The following DEUP1 variants were observed in gnomAD, a reference collection of about 807,000 sequenced individuals.
The protein encoded by DEUP1 is coiled-coil domain containing 67.
Under a neutral mutation model 87.4 loss-of-function variants are expected in DEUP1, and 82 were observed. That is an observed-to-expected ratio of 0.94 (90% CI 0.78 to 1.13). The LOEUF (loss-of-function observed/expected upper bound fraction) is 1.13. Ranked by LOEUF, DEUP1 falls within the 50% of genes most tolerant of loss-of-function variation. The probability of loss-of-function intolerance (pLI) is 0.00; values close to 1 mark genes in which losing one functional copy is unlikely to be tolerated. For missense variants in DEUP1, 663 were observed against 681.5 expected (o/e 0.97, Z 0.30); for synonymous variants, 214 against 222.7 (o/e 0.96, Z 0.35).
chr11:93,418,053 C>T (rs139797667), intron 13 of DEUP1, among the ~76,000 whole-genome samples: 10,821 of 152,046 alleles, frequency 0.071, 523 homozygotes, highest in Non-Finnish European at 0.089. Flanking sequence ...AAGACTTAAA[C>T]GGTAGACCTA....
chr11:93,368,527 C>T (rs1005358435), intron 5 of DEUP1, among the ~76,000 whole-genome samples: 2 of 152,110 alleles, frequency 1.3e-5, no homozygotes, highest in Admixed American at 6.6e-5. Context: ...CATGTCTTCA[C>T]GTGGCCAACA....
chr11:93,383,355 G>A, intron 7 of DEUP1: 1 of 359,988 alleles, frequency 2.8e-6, no homozygotes, highest in Non-Finnish European at 5.0e-6. Context: ...ACATTAAAGA[G>A]GGCAGTCACA....
At chr11:93,355,149 T>TA (rs1439709556) in intron 2 of DEUP1, among the ~76,000 whole-genome samples, 1 of 152,208 alleles carries the variant, frequency 6.6e-6, no homozygotes, top group Non-Finnish European at 1.5e-5. Flanking sequence ...TAGCCTACTC[T>TA]AAACAATGTT....
chr11:93,350,492 C>A (rs1171549739), intron 2 of DEUP1, among the ~76,000 whole-genome samples: 1 of 152,126 alleles, frequency 6.6e-6, no homozygotes, highest in Admixed American at 6.6e-5. Flanking sequence ...AGAATTCAGA[C>A]CTAGGATGGA....
intron 6 of DEUP1, 75 bp from the exon 7 acceptor site, chr11:93,370,963 C>G: frequency 7.7e-7 from 1 of 1,300,634 alleles, no homozygotes; most frequent in East Asian, 2.4e-5. Context: ...TAATTCTTTT[C>G]TATCATTCTT....
rs756010295 is a variant in DEUP1 at position 93,415,111 on chromosome 11, A to C, written c.1635A>C (p.Pro545=). 9 of 1,599,228 alleles carry C rather than the reference A, an allele frequency of 5.6e-6. No homozygotes were observed. The Admixed American group carries it at 1.0e-4, about 18-fold the overall frequency. The change falls in exon 13 of 14, where the codon CCA becomes CCC. Residue 545 remains proline (P), a synonymous_variant. Transcript: ENST00000298050. ...SPLVSDDDVF[P]LSPPDMSFPA... ...TGGTTAGTGATGATGATGTATTCCC[A>C]CTGGTGAGTTGCTGGTTGTGGGCTT...
At chr11:93,417,684 A>G (rs1375921075) in intron 13 of DEUP1, among the ~76,000 whole-genome samples, 1 of 146,714 alleles carries the variant, frequency 6.8e-6, no homozygotes, top group Non-Finnish European at 1.5e-5. Context: ...AAACTACTTT[A>G]AAGTTCATAT....
At chr11:93,375,637 C>T (rs1027994810) in intron 7 of DEUP1, among the ~76,000 whole-genome samples, 3 of 152,160 alleles carry the variant, frequency 2.0e-5, no homozygotes, top group African/African-American at 7.2e-5. Context: ...TTGAAACCCA[C>T]TTGATCATGG....
At chr11:93,395,051 C>G (rs572480443) in intron 10 of DEUP1, among the ~76,000 whole-genome samples, 1 of 152,118 alleles carries the variant, frequency 6.6e-6, no homozygotes, top group Non-Finnish European at 1.5e-5. Context: ...ACCCCTCCCC[C>G]ACACTTCATG....
At chr11:93,419,845 T>C (rs1947808875) in intron 13 of DEUP1, among the ~76,000 whole-genome samples, 1 of 146,828 alleles carries the variant, frequency 6.8e-6, no homozygotes, top group Non-Finnish European at 1.5e-5. Flanking sequence ...CAAAACACCT[T>C]CAAAAAAATA....
intron 4 of DEUP1, among the ~76,000 whole-genome samples, chr11:93,363,891 A>T (rs766671238): frequency 8.6e-5 from 13 of 152,042 alleles, no homozygotes; most frequent in Admixed American, 8.5e-4. Flanking sequence ...TATGATTAAA[A>T]CAAAATTGAA....
At position 93,371,116 on chromosome 11, in the gene DEUP1, T is replaced by C; in HGVS notation, c.625T>C (p.Leu209=). 6.2e-7 allele frequency: 1 copy of C among 1,613,044 alleles called. No individual in the cohort carries two copies. The highest frequency in any genetic ancestry group is 8.5e-7 in the Non-Finnish European group (1 of 1,179,394). The change falls in exon 7 of 14, where the codon TTG becomes CTG. Residue 209 remains leucine, a synonymous_variant. Transcript: ENST00000298050. ...AGACAGCAGCTCTGAAATTCCTCGT[T>C]TGATATGTGACCCAGATCCCAATTG... The part of the protein sequence containing the change: ...LEDSSSEIPR[L]ICDPDPNCEI...
intron 12 of DEUP1, among the ~76,000 whole-genome samples, chr11:93,412,969 T>C (rs1046899894): frequency 6.6e-6 from 1 of 152,186 alleles, no homozygotes; most frequent in Non-Finnish European, 1.5e-5. Context: ...TATTTGTTTT[T>C]GTGTACTAAT....
intron 8 of DEUP1, among the ~76,000 whole-genome samples, chr11:93,388,495 T>C (rs1276460273): frequency 6.6e-6 from 1 of 152,204 alleles, no homozygotes; most frequent in Non-Finnish European, 1.5e-5. Context: ...CTAATATTAA[T>C]ATGTGGTTGC....
At chr11:93,434,129 C>T (rs1326557729) in intron 13 of DEUP1, among the ~76,000 whole-genome samples, 2 of 152,180 alleles carry the variant, frequency 1.3e-5, no homozygotes, top group African/African-American at 2.4e-5. Context: ...CCTGTTGCAC[C>T]ACTCAGAACC....
intron 2 of DEUP1, among the ~76,000 whole-genome samples, chr11:93,351,387 C>T (rs75368112): frequency 0.016 from 2,495 of 152,244 alleles, 28 homozygotes; most frequent in East Asian, 0.061. Flanking sequence ...ATTTATTGAG[C>T]GTCTACTATG....
Position 93,371,276 on chromosome 11 carries a change from G to A in DEUP1, c.785G>A (p.Cys262Tyr). 6.2e-7 allele frequency: 1 copy of A among 1,608,568 alleles called. No homozygotes were observed. The highest frequency in any genetic ancestry group is 1.1e-5 in the South Asian group (1 of 89,910). The change falls in exon 7 of 14, where the codon TGC becomes TAC. Residue 262 changes from cysteine to tyrosine, a missense_variant. Coordinates refer to ENST00000298050, the MANE Select transcript of DEUP1 (RefSeq NM_181645.4). ...LQELKMYQRQCQAMEAGLSEV... is the reference protein window; with the variant it reads ...LQELKMYQRQYQAMEAGLSEV... ...GAACTGAAAATGTACCAAAGACAGTGCCAGGTGAAGATTAATTTTTTTTCA... is the reference window on the plus strand; with the variant it reads ...GAACTGAAAATGTACCAAAGACAGTACCAGGTGAAGATTAATTTTTTTTCA...
At chr11:93,337,331 GA>G (rs1943820744) in intron 2 of DEUP1, among the ~76,000 whole-genome samples, 1 of 152,108 alleles carries the variant, frequency 6.6e-6, no homozygotes, top group South Asian at 2.1e-4. Flanking sequence ...GGTTCTTGAT[GA>G]GTTAAACACA....
intron 2 of DEUP1, among the ~76,000 whole-genome samples, chr11:93,342,068 G>A (rs1349420505): frequency 2.6e-5 from 4 of 152,028 alleles, no homozygotes; most frequent in African/African-American, 9.7e-5. Context: ...TAACTTACGT[G>A]AACCTCTCCA....
Sources: allele counts gnomAD v4.1 joint callset (sites outside exome capture counted in the v4.1 genomes callset), GRCh38; gene constraint gnomAD v4.1.1; transcripts MANE v1.5; gene names NCBI Gene and HGNC (gene_info 2026-07-23, HGNC 2026-07-21).